Variants in WDR19 observed in about 807,000 individuals in gnomAD.
WDR19 encodes WD repeat-containing protein 19.
In WDR19, 121 loss-of-function variants were observed where a neutral mutation model predicts 180.0. That is an observed-to-expected ratio of 0.67 (90% confidence interval 0.58 to 0.78). The LOEUF is 0.78. Among genes scored for constraint, WDR19 ranks in the 30% least tolerant of loss-of-function variants. The pLI is 0.00. For synonymous variants in WDR19, 497 were observed against 540.7 expected (o/e 0.92, Z 1.12); for missense variants, 1,450 against 1,640.7 (o/e 0.88, Z 2.01).
rs115742055 is a variant in WDR19 at position 39,208,109 on chromosome 4, T to C, written c.890+2373T>C. Among the ~76,000 whole-genome samples the C allele has an allele frequency of 4.8e-3, 733 of 151,880 alleles. 4 individuals carry two copies. Among genetic ancestry groups the C allele is most frequent in the Middle Eastern group, 0.044 (13 of 294 alleles). On this transcript the variant is annotated intron_variant, in intron 9 of 36. Transcript: ENST00000399820. ...CCTCTAAGAAAACTATTCAAAGAAA[T>C]ATACAAAAGCACAATAGATAAATTA... is the stretch of plus-strand genomic sequence containing the variant.
Position 39,243,997 on chromosome 4 carries a change from G to A in WDR19, c.2422-251G>A, listed in dbSNP as rs554297679. On this transcript the variant is annotated intron_variant, in intron 21 of 36. Coordinates refer to ENST00000399820, the MANE Select transcript of WDR19 (RefSeq NM_025132.4). Reference sequence around the variant, plus strand: ...ATTTTATACCAAAAAGACATATGAGGGATAGTAAAAATTTGGTCTTAAGCA... The same window carrying A: ...ATTTTATACCAAAAAGACATATGAGAGATAGTAAAAATTTGGTCTTAAGCA... Among the ~76,000 whole-genome samples, 46 of 152,006 alleles carry A rather than the reference G, an allele frequency of 3.0e-4. 1 individual carries two copies. Among genetic ancestry groups the A allele is most frequent in the African/African-American group, 1.1e-3 (44 of 41,468 alleles).
chr4:39,265,770 CAAAAAAA>C (rs11326526), intron 28 of WDR19, among the ~76,000 whole-genome samples: 2 of 81,084 alleles, frequency 2.5e-5, no homozygotes, highest in African/African-American at 1.1e-4. Context: ...GACTCTGTCT[CAAAAAAA>C]AAAAAAAAAA....
chr4:39,211,060 C>A (rs1728449768), intron 9 of WDR19, among the ~76,000 whole-genome samples: 1 of 150,836 alleles, frequency 6.6e-6, no homozygotes, highest in Admixed American at 6.6e-5. Flanking sequence ...GAGCTGTGGT[C>A]ATTTCCTGTA....
intron 17 of WDR19, 53 bp from the exon 18 acceptor site, chr4:39,231,744 C>T (rs1730889557): frequency 6.8e-7 from 1 of 1,473,268 alleles, no homozygotes; most frequent in African/African-American, 1.4e-5. Context: ...TGAAAATTGC[C>T]TAACATGTGG....
At chr4:39,211,929 C>CAGAGAGAGAGAG (rs60128786) in intron 9 of WDR19, among the ~76,000 whole-genome samples, 1 of 135,256 alleles carries the variant, frequency 7.4e-6, no homozygotes, top group Non-Finnish European at 1.6e-5. Context: ...TATAGACAGA[C>CAGAGAGAGAGAG]AGAGAGAGAG....
chr4:39,281,236 T>TATATATATATAGAGAG (rs762298152), intron 36 of WDR19, among the ~76,000 whole-genome samples: 27 of 103,998 alleles, frequency 2.6e-4, no homozygotes, highest in African/African-American at 1.1e-3. Flanking sequence ...TATATATATA[T>TATATATATATAGAGAG]AGAGAGAGAG....
intron 36 of WDR19, 108 bp from the exon 37 acceptor site, chr4:39,285,379 T>C (rs1431342387): frequency 2.0e-5 from 3 of 152,212 alleles, no homozygotes; most frequent in South Asian, 2.1e-4. Flanking sequence ...TTCCACATTC[T>C]AGAAACAGGC....
chr4:39,195,642 A>G (rs1260052385), intron 5 of WDR19, among the ~76,000 whole-genome samples: 1 of 152,166 alleles, frequency 6.6e-6, no homozygotes, highest in East Asian at 1.9e-4. Context: ...CTTGTCAATT[A>G]TTGTAACATC....
At chr4:39,225,370 G>A (rs1047083839) in intron 15 of WDR19, among the ~76,000 whole-genome samples, 8 of 151,974 alleles carry the variant, frequency 5.3e-5, no homozygotes, top group Non-Finnish European at 1.2e-4. Flanking sequence ...CTCCCAATAG[G>A]CAGTGAGCTT....
At chr4:39,231,657 A>G (rs1403326497) in intron 17 of WDR19, 140 bp from the exon 18 acceptor site, 1 of 671,894 alleles carries the variant, frequency 1.5e-6, no homozygotes, top group East Asian at 3.0e-5. Context: ...TTTTTTCATT[A>G]CTTGTAAATG....
chr4:39,237,450 C>G (rs941669692), intron 20 of WDR19, among the ~76,000 whole-genome samples: 8 of 151,936 alleles, frequency 5.3e-5, no homozygotes, highest in African/African-American at 1.9e-4. Flanking sequence ...ACTGTAGTCC[C>G]AGCTGCTAGA....
intron 32 of WDR19, chr4:39,273,866 T>C (rs1274340643): frequency 6.6e-6 from 1 of 152,216 alleles, no homozygotes; most frequent in Admixed American, 6.5e-5. Context: ...CATGTCATGA[T>C]AACATTCTTA....
intron 17 of WDR19, 95 bp downstream of exon 17, chr4:39,228,785 ATTCT>A: frequency 7.5e-7 from 1 of 1,330,612 alleles, no homozygotes; most frequent in Non-Finnish European, 1.0e-6. Context: ...TTATTGCTTT[ATTCT>A]TTATCCTTGC....
At chr4:39,275,339 CAAAAAA>C (rs1225402757) in intron 33 of WDR19, 1 of 103,630 alleles carries the variant, frequency 9.6e-6, no homozygotes, top group Non-Finnish European at 1.9e-5. Flanking sequence ...GACCCCATCT[CAAAAAA>C]AAAAAAAAAA....
intron 24 of WDR19, among the ~76,000 whole-genome samples, chr4:39,249,458 T>C (rs1331922467): frequency 6.6e-6 from 1 of 151,986 alleles, no homozygotes; most frequent in Non-Finnish European, 1.5e-5. Flanking sequence ...AGCAAACACA[T>C]TCAAAAGCTA....
In WDR19 at chr4:39,219,323, C is replaced by T. The variant is rs147910553; in HGVS notation, c.1479+1218C>T. Among the ~76,000 whole-genome samples, 355 of 152,274 alleles carry T rather than the reference C, an allele frequency of 2.3e-3. 1 individual carries two copies. Among genetic ancestry groups the T allele is most frequent in the African/African-American group, 7.9e-3 (327 of 41,556 alleles). On this transcript the variant is annotated intron_variant, in intron 14 of 36. Coordinates refer to ENST00000399820, the MANE Select transcript of WDR19 (RefSeq NM_025132.4). ...GCCTTATGCTCTGACATTATGACATCCATGATGTCACTAGGCAATAGGAAT... is the reference window on the plus strand; with the variant it reads ...GCCTTATGCTCTGACATTATGACATTCATGATGTCACTAGGCAATAGGAAT...
intron 15 of WDR19, among the ~76,000 whole-genome samples, chr4:39,226,014 C>G (rs1414711815): frequency 6.6e-6 from 1 of 152,156 alleles, no homozygotes; most frequent in Non-Finnish European, 1.5e-5. Context: ...AGATAAACCT[C>G]GAGTTTCCTC....
chr4:39,215,814 A>C, intron 10 of WDR19, 27 bp from the exon 11 acceptor site: 1 of 1,581,656 alleles, frequency 6.3e-7, no homozygotes, highest in East Asian at 2.3e-5. Flanking sequence ...GTTTTTGAAT[A>C]ATCATTTATT....
rs1247624982 is a variant in WDR19 at position 39,186,521 on chromosome 4, T to C, written c.99-18T>C. 8 of 1,469,250 alleles carry C rather than the reference T, an allele frequency of 5.4e-6. No individual in the cohort carries two copies. In the African/African-American group the frequency reaches 1.0e-4, roughly 19 times the overall value. The allele number at this position is 1,469,250 out of a possible 1,614,324, so 91.0% of individuals were successfully genotyped here. A position where few individuals can be genotyped will look rare whatever the true frequency, so the allele number is the denominator to read the frequency against. On this transcript the variant is annotated intron_variant, in intron 2 of 36. Transcript: ENST00000399820. The stretch of plus-strand genomic sequence containing the variant: ...AAAAAAAAAGTAAATCATATCTTTA[T>C]GTTCTGATTGCTTTCAGAGCTGATT...
Sources: gnomAD v4.1 joint callset for allele counts (sites outside exome capture counted in the v4.1 genomes callset) on GRCh38, gnomAD v4.1.1 for gene constraint, MANE v1.5 for transcripts, NCBI Gene and HGNC (gene_info 2026-07-23, HGNC 2026-07-21) for gene names.